The following CDYL variants were observed in gnomAD, a reference collection of about 807,000 sequenced individuals.
CDYL encodes chromodomain Y like, also known as chromodomain Y-like protein.
A neutral mutation model predicts 47.3 loss-of-function variants in CDYL; 8 were observed. That is an observed-to-expected ratio of 0.17 (90% confidence interval 0.10 to 0.31). The LOEUF (loss-of-function observed/expected upper bound fraction) is 0.31, where lower values mean the gene tolerates loss of function less well. Among genes scored for constraint, CDYL ranks in the 10% least tolerant of loss-of-function variants. CDYL has a pLI of 1.00. For missense variants in CDYL, 471 were observed against 701.4 expected (o/e 0.67, Z 3.71); for synonymous variants, 266 against 265.0 (o/e 1.00, Z -0.04).
intron 1 of CDYL, among the ~76,000 whole-genome samples, chr6:4,851,076 G>C (rs1185980338): frequency 1.3e-5 from 2 of 152,226 alleles, no homozygotes; most frequent in East Asian, 1.9e-4. Context: ...CGCTCACTTG[G>C]GTGGGCATAG....
At chr6:4,947,888 G>T (rs987404215) in intron 5 of CDYL, among the ~76,000 whole-genome samples, 10 of 152,130 alleles carry the variant, frequency 6.6e-5, no homozygotes, top group African/African-American at 2.4e-4. Flanking sequence ...AGCGGTCCAT[G>T]GGGGAGGCCC....
chr6:4,890,867 A>G (rs1322005061), intron 1 of CDYL, among the ~76,000 whole-genome samples: 1 of 152,222 alleles, frequency 6.6e-6, no homozygotes, highest in African/African-American at 2.4e-5. Flanking sequence ...GTAACTGCAG[A>G]TGTAATAACA....
intron 4 of CDYL, among the ~76,000 whole-genome samples, chr6:4,939,466 T>A (rs1171596350): frequency 6.6e-6 from 1 of 152,244 alleles, no homozygotes; most frequent in East Asian, 1.9e-4. Flanking sequence ...TCAGAATTAC[T>A]ATATTTTCTC....
chr6:4,771,701 G>A (rs1758341160), upstream of CDYL, among the ~76,000 whole-genome samples: 1 of 152,144 alleles, frequency 6.6e-6, no homozygotes, highest in African/African-American at 2.4e-5. Context: ...CTCTTGCCTA[G>A]TTGTTCTCTC....
At chr6:4,876,876 A>C (rs577944672) in intron 1 of CDYL, among the ~76,000 whole-genome samples, 1 of 152,228 alleles carries the variant, frequency 6.6e-6, no homozygotes, top group African/African-American at 2.4e-5. Context: ...GCCAAAATTC[A>C]TATCTTGACA....
intron 3 of CDYL, among the ~76,000 whole-genome samples, chr6:4,740,648 C>G (rs1582300471): frequency 6.6e-6 from 1 of 152,148 alleles, no homozygotes; most frequent in Non-Finnish European, 1.5e-5. Flanking sequence ...TCTAATCTTT[C>G]TTTCTAATAC....
rs531521961 is a variant in CDYL, at chr6:4,836,427, T to G, written c.25-55286T>G. On this transcript the variant is annotated intron_variant, in intron 1 of 6. Coordinates refer to ENST00000397588, the MANE Select transcript of CDYL (RefSeq NM_004824.4). ...TTGCTTCAGTTTACTTTTTATTTTT[T>G]TCCTTTCCCTTATGGGTTCTGGGAA... The G allele has an allele frequency of 2.6e-5, 6 of 232,470 alleles. No individual in the cohort carries two copies. The South Asian group carries it at 7.9e-4, about 31-fold the overall frequency. The allele number at this position is 232,470 out of a possible 1,614,324, so 14.4% of individuals were successfully genotyped here. A position where few individuals can be genotyped will look rare whatever the true frequency, so the allele number is the denominator to read the frequency against.
At chr6:4,745,321 A>G (rs1013775431) in intron 3 of CDYL, among the ~76,000 whole-genome samples, 4 of 152,198 alleles carry the variant, frequency 2.6e-5, no homozygotes, top group Middle Eastern at 3.2e-3. Flanking sequence ...TCTATGAACA[A>G]AAAGGGGGAA....
chr6:4,848,500 G>A (rs1270993610), intron 1 of CDYL, among the ~76,000 whole-genome samples: 1 of 152,186 alleles, frequency 6.6e-6, no homozygotes, highest in African/African-American at 2.4e-5. Context: ...ATGCATCAAT[G>A]ACCAGGCACA....
At chr6:4,708,361 T>C (rs776367373) in intron 1 of CDYL, among the ~76,000 whole-genome samples, 6 of 152,176 alleles carry the variant, frequency 3.9e-5, no homozygotes, top group Non-Finnish European at 7.3e-5. Flanking sequence ...GTTTTCACCA[T>C]GTTGTCCAGG....
At position 4,937,642 on chromosome 6, in the gene CDYL, C is replaced by T; in HGVS notation, c.1026C>T (p.Gly342=). The change falls in exon 4 of 7, where the codon GGC becomes GGT. Residue 342 remains glycine, a synonymous_variant. Transcript: ENST00000397588. ...AGCTGGTACTGCTCAGCGCCGTTGG[C>T]AGCGTCTTCTGTTGTGGACTTGACT... is the stretch of plus-strand genomic sequence containing the variant. ...DSKLVLLSAV[G]SVFCCGLDFI... 1 of 1,613,882 alleles carries T rather than the reference C, an allele frequency of 6.2e-7. No individual in the cohort carries two copies. Among genetic ancestry groups the T allele is most frequent in the Middle Eastern group, 1.6e-4 (1 of 6,062 alleles).
intron 1 of CDYL, among the ~76,000 whole-genome samples, chr6:4,883,797 G>A (rs1322466938): frequency 1.3e-5 from 2 of 152,188 alleles, no homozygotes; most frequent in African/African-American, 2.4e-5. Flanking sequence ...TCTGTGAAGG[G>A]CAGGTATTAT....
At chr6:4,895,095 A>ATG (rs1477650306) in intron 2 of CDYL, among the ~76,000 whole-genome samples, 1 of 150,834 alleles carries the variant, frequency 6.6e-6, no homozygotes, top group Admixed American at 6.6e-5. Flanking sequence ...ATATATGTAC[A>ATG]TGTGTGTATA....
chr6:4,816,498 C>CTTTTTTTT (rs1332068497), intron 1 of CDYL, among the ~76,000 whole-genome samples: 1 of 127,644 alleles, frequency 7.8e-6, no homozygotes, highest in Non-Finnish European at 1.7e-5. Flanking sequence ...TTCTTTCTTT[C>CTTTTTTTT]TTTTTTTTTT....
rs751147723 is a variant in CDYL, at chr6:4,891,960, T to C, written c.272T>C (p.Phe91Ser). The change falls in exon 2 of 7, where the codon TTT becomes TCT. Residue 91 changes from phenylalanine (F) to serine (S), a missense_variant. Physicochemically the swap from Phe to Ser is radical, Grantham distance 155. Transcript: ENST00000397588. ...KQISRSTNSN[F>S]SKTSPKALVI... ...ATCTCCAGATCCACCAACAGCAACT[T>C]TTCTAAGACCTCTCCTAAGGCACTC... 6.2e-7 allele frequency: 1 copy of C among 1,614,054 alleles called. No homozygotes were observed. Among genetic ancestry groups the C allele is most frequent in the South Asian group, 1.1e-5 (1 of 91,064 alleles).
chr6:4,863,414 A>G (rs1239576712), intron 1 of CDYL, among the ~76,000 whole-genome samples: 1 of 152,226 alleles, frequency 6.6e-6, no homozygotes, highest in African/African-American at 2.4e-5. Context: ...TTTCGTGGCA[A>G]AAATAGAAAA....
In CDYL at chr6:4,783,850, ATTAG is replaced by A. The variant is rs144279887; in HGVS notation, c.24+7048_24+7051del. ...GACAATGTATTTTGTGTGATTTTTTATTAGTTAGGTGGGTATATGTTGTGCTGCT... is the reference window on the plus strand; with the variant it reads ...GACAATGTATTTTGTGTGATTTTTTATTAGGTGGGTATATGTTGTGCTGCT... On this transcript the variant is annotated intron_variant, in intron 1 of 6. Coordinates refer to ENST00000397588, the MANE Select transcript of CDYL (RefSeq NM_004824.4). Among the ~76,000 whole-genome samples the A allele has an allele frequency of 7.9e-3, 1,203 of 152,072 alleles. 20 individuals carry two copies. The highest frequency in any genetic ancestry group is 0.044 in the East Asian group (227 of 5,170).
chr6:4,943,553 G>A lies in CDYL; in HGVS notation c.1129G>A (p.Val377Met), dbSNP rs1758422773. The A allele has an allele frequency of 3.8e-6, 6 of 1,594,788 alleles. No individual in the cohort carries two copies. Among genetic ancestry groups the A allele is most frequent in the African/African-American group, 1.3e-5 (1 of 74,410 alleles). Residue 377 changes from valine to methionine, a missense_variant, in exon 5 of 7, where the codon GTG (valine) becomes ATG (methionine). Physicochemically the swap from Val to Met is conservative, Grantham distance 21. This residue lies in a region of CDYL where 103 missense variants were observed against 277.1 expected (regional missense o/e 0.37). Transcript: ENST00000397588. The part of the protein sequence containing the change: ...TKMAEAIRNF[V>M]NTFIQFKKPI... ...ATTTATTTTTCATTTTAGAAACTTCGTGAATACTTTCATTCAATTTAAGAA... is the reference window on the plus strand; with the variant it reads ...ATTTATTTTTCATTTTAGAAACTTCATGAATACTTTCATTCAATTTAAGAA...
chr6:4,838,794 C>G (rs1353235590), intron 1 of CDYL, among the ~76,000 whole-genome samples: 1 of 152,070 alleles, frequency 6.6e-6, no homozygotes, highest in East Asian at 1.9e-4. Flanking sequence ...TCAAGCGATT[C>G]TCCTGCCTCA....
Sources: allele counts gnomAD v4.1 joint callset (sites outside exome capture counted in the v4.1 genomes callset), GRCh38; gene constraint gnomAD v4.1.1; regional missense constraint gnomAD v4.1.1; transcripts MANE v1.5; gene names NCBI Gene and HGNC (gene_info 2026-07-23, HGNC 2026-07-21).